Variants in FRMD5 observed in about 807,000 individuals in gnomAD.
The protein encoded by FRMD5 is FERM domain containing 5.
FRMD5 carries 20 observed loss-of-function variants against 69.0 expected under a neutral mutation model. That is an observed-to-expected ratio of 0.29 (90% CI 0.20 to 0.42). FRMD5 has a LOEUF of 0.42. FRMD5 is among the 10% of genes least tolerant of loss of function. The probability of loss-of-function intolerance (pLI) is 1.00; values close to 1 mark genes in which losing one functional copy is unlikely to be tolerated. For missense variants in FRMD5, 595 were observed against 708.6 expected, an observed-to-expected ratio of 0.84 and a Z score of 1.82; for synonymous variants, 271 against 260.1, an observed-to-expected ratio of 1.04 and a Z score of -0.40.
upstream of FRMD5, chr15:44,195,276 C>T (rs921976760): frequency 2.1e-5 from 11 of 521,368 alleles, no homozygotes; most frequent in African/African-American, 2.1e-4. Context: ...GGCTCTGTCT[C>T]CTCGGCGCCC....
At chr15:43,989,769 G>A (rs1034173856) in intron 1 of FRMD5, 35 of 996,804 alleles carry the variant, frequency 3.5e-5, no homozygotes, top group Middle Eastern at 2.2e-4. Context: ...GGGACAGCAC[G>A]GCCTGGATGG....
Position 44,143,034 on chromosome 15 carries a change from C to A in FRMD5, c.102+51919G>T, listed in dbSNP as rs1650813666. Reference sequence around the variant, plus strand: ...GAACCTGTGAGGCAGAGAGGTTGCACTGAGCTGAGACTGTGCCACTGCACT... The same window carrying A: ...GAACCTGTGAGGCAGAGAGGTTGCAATGAGCTGAGACTGTGCCACTGCACT... On this transcript the variant is annotated intron_variant, in intron 1 of 13. Coordinates refer to ENST00000417257, the MANE Select transcript of FRMD5 (RefSeq NM_032892.5). Among the ~76,000 whole-genome samples, 4 of 151,820 alleles carry A rather than the reference C, an allele frequency of 2.6e-5. No individual in the cohort carries two copies. The South Asian group carries it at 8.3e-4, about 32-fold the overall frequency.
chr15:44,134,541 C>T (rs1299510566), intron 1 of FRMD5, among the ~76,000 whole-genome samples: 1 of 152,110 alleles, frequency 6.6e-6, no homozygotes, highest in African/African-American at 2.4e-5. Context: ...CTCCGCCTCC[C>T]AGGCTCAAGA....
intron 1 of FRMD5, among the ~76,000 whole-genome samples, chr15:44,186,313 T>C (rs555691980): frequency 5.3e-5 from 8 of 152,302 alleles, no homozygotes; most frequent in African/African-American, 1.7e-4. Flanking sequence ...CCTAGAGTAT[T>C]TGGAATCCTT....
At chr15:43,999,733 T>C (rs373722623) in intron 1 of FRMD5, among the ~76,000 whole-genome samples, 2 of 151,992 alleles carry the variant, frequency 1.3e-5, no homozygotes, top group East Asian at 3.9e-4. Flanking sequence ...GTTGCATTCA[T>C]GTTGTCACAA....
intron 1 of FRMD5, among the ~76,000 whole-genome samples, chr15:44,099,173 G>C (rs538285052): frequency 6.6e-6 from 1 of 152,160 alleles, no homozygotes; most frequent in African/African-American, 2.4e-5. Context: ...AATCAAGAGA[G>C]GTCGGGAAAT....
At chr15:44,041,324 G>C (rs1475778040) in intron 1 of FRMD5, among the ~76,000 whole-genome samples, 5 of 152,116 alleles carry the variant, frequency 3.3e-5, no homozygotes, top group Admixed American at 3.3e-4. Context: ...TCCAGGACTT[G>C]AACTCAGCTC....
At chr15:44,094,801 G>A (rs1205345742) in intron 1 of FRMD5, among the ~76,000 whole-genome samples, 4 of 152,046 alleles carry the variant, frequency 2.6e-5, no homozygotes, top group African/African-American at 7.2e-5. Flanking sequence ...TAGTTCAAAA[G>A]CCATTTTTCA....
At chr15:43,924,023 A>C (rs934035129) in intron 2 of FRMD5, among the ~76,000 whole-genome samples, 182 bp downstream of exon 2, 2 of 152,212 alleles carry the variant, frequency 1.3e-5, no homozygotes, top group Admixed American at 6.5e-5. Context: ...AAGCTTCTCC[A>C]GGTGAGCTCT....
At chr15:44,145,008 G>A (rs1169983649) in intron 1 of FRMD5, among the ~76,000 whole-genome samples, 1 of 152,084 alleles carries the variant, frequency 6.6e-6, no homozygotes, top group African/African-American at 2.4e-5. Flanking sequence ...AAAGTGTTCT[G>A]GAAGCAGAAT....
At chr15:44,176,654 G>C (rs2077900215) in intron 1 of FRMD5, among the ~76,000 whole-genome samples, 1 of 152,076 alleles carries the variant, frequency 6.6e-6, no homozygotes, top group Admixed American at 6.6e-5. Context: ...CTTGTATCCA[G>C]AATATATAAT....
chr15:43,943,616 T>A (rs552021952), intron 1 of FRMD5, among the ~76,000 whole-genome samples: 1 of 152,268 alleles, frequency 6.6e-6, no homozygotes, highest in South Asian at 2.1e-4. Context: ...TGGTTCCTTA[T>A]AAGAAGACCA....
intron 1 of FRMD5, among the ~76,000 whole-genome samples, chr15:43,985,892 T>C (rs1362333823): frequency 2.0e-5 from 3 of 152,150 alleles, no homozygotes; most frequent in African/African-American, 7.2e-5. Context: ...GTAAGGCATA[T>C]ATACCAGAAA....
At chr15:44,187,911 C>A (rs2078129388) in intron 1 of FRMD5, among the ~76,000 whole-genome samples, 1 of 152,118 alleles carries the variant, frequency 6.6e-6, no homozygotes, top group African/African-American at 2.4e-5. Flanking sequence ...AATTTCATCT[C>A]CTTTGAAAAA....
Position 43,872,919 on chromosome 15 carries a change from T to C in FRMD5, c.*966A>G. On this transcript the variant is annotated 3_prime_UTR_variant, in exon 14 of 14. Coordinates refer to ENST00000417257, the MANE Select transcript of FRMD5 (RefSeq NM_032892.5). Reference sequence around the variant, plus strand: ...ATAGTCTTTGGGTCAAGGGGGTGTATATAAAATAAGCACTGCTATCCAAAT... The same window carrying C: ...ATAGTCTTTGGGTCAAGGGGGTGTACATAAAATAAGCACTGCTATCCAAAT... 4.4e-6 allele frequency: 2 copies of C among 454,998 alleles called. No homozygotes were observed. The highest frequency in any genetic ancestry group is 6.5e-5 in the East Asian group (2 of 30,674). 28.2% of individuals were successfully genotyped at this position (454,998 alleles called of 1,614,324 possible). A position where few individuals can be genotyped will look rare whatever the true frequency, so the allele number is the denominator to read the frequency against.
At position 43,915,019 on chromosome 15, in the gene FRMD5, G is replaced by A. The variant is rs555410305; in HGVS notation, c.329+4440C>T. Among the ~76,000 whole-genome samples the A allele has an allele frequency of 2.6e-5, 4 of 152,260 alleles. No individual in the cohort carries two copies. In the South Asian group the frequency reaches 8.3e-4, roughly 32 times the overall value. ...TGGGATTACAGGCGTGAGCCACTGC[G>A]CCCAGCCTGTGACTACCATTTTAAT... On this transcript the variant is annotated intron_variant, in intron 4 of 13. Coordinates refer to ENST00000417257, the MANE Select transcript of FRMD5 (RefSeq NM_032892.5).
chr15:43,962,358 G>A (rs1437311968), intron 1 of FRMD5, among the ~76,000 whole-genome samples: 1 of 152,152 alleles, frequency 6.6e-6, no homozygotes, highest in African/African-American at 2.4e-5. Context: ...GGGACGTGAA[G>A]GACCTCTTCA....
chr15:44,033,243 G>C (rs908452871), intron 1 of FRMD5, among the ~76,000 whole-genome samples: 4 of 152,056 alleles, frequency 2.6e-5, no homozygotes, highest in Admixed American at 2.0e-4. Context: ...CTACTTGAAG[G>C]GGGAGGATGC....
intron 1 of FRMD5, among the ~76,000 whole-genome samples, chr15:44,050,868 G>A (rs1892633576): frequency 6.6e-6 from 1 of 151,650 alleles, no homozygotes; most frequent in South Asian, 2.1e-4. Context: ...ATGCCGGCCA[G>A]GCTGGTCTCA....
Sources: allele counts gnomAD v4.1 joint callset (sites outside exome capture counted in the v4.1 genomes callset), GRCh38; gene constraint gnomAD v4.1.1; transcripts MANE v1.5; gene names NCBI Gene and HGNC (gene_info 2026-07-23, HGNC 2026-07-21).